SLC12A7: variants seen among roughly 807,000 people sequenced by gnomAD.
The protein encoded by SLC12A7 is solute carrier family 12 member 7.
SLC12A7 carries 100 observed loss-of-function variants against 120.6 expected under a neutral mutation model. The observed-to-expected ratio is 0.83, with a 90% CI of 0.71 to 0.98. The LOEUF (loss-of-function observed/expected upper bound fraction) is 0.98. Among genes scored for constraint, SLC12A7 ranks in the 50% least tolerant of loss-of-function variants. The pLI is 0.00. For synonymous variants in SLC12A7, 760 were observed against 678.0 expected (o/e 1.12, Z -1.88); for missense variants, 1,373 against 1,548.1 (o/e 0.89, Z 1.90).
At chr5:1,061,525 T>C (rs796465810) in intron 20 of SLC12A7, among the ~76,000 whole-genome samples, 4 of 116,474 alleles carry the variant, frequency 3.4e-5, no homozygotes, top group African/African-American at 1.7e-4. Context: ...CCGCCGCACC[T>C]GCCGCATCCG....
At chr5:1,132,147 C>T in the SLC12A7 span, among the ~76,000 whole-genome samples, 1 of 152,178 alleles carries the variant, frequency 6.6e-6, no homozygotes, top group African/African-American at 2.4e-5. Context: ...TGAAAGTGAC[C>T]TCTGGTTGTC....
At chr5:1,086,865 A>C in intron 6 of SLC12A7, 38 bp downstream of exon 6, 1 of 1,604,902 alleles carries the variant, frequency 6.2e-7, no homozygotes, top group Non-Finnish European at 8.5e-7. Flanking sequence ...CCTGCCACAG[A>C]CTGTGGGGTG....
At chr5:1,131,740 T>C in the SLC12A7 span, among the ~76,000 whole-genome samples, 2 of 152,226 alleles carry the variant, frequency 1.3e-5, no homozygotes, top group Non-Finnish European at 2.9e-5. Flanking sequence ...TGGGGTGGGT[T>C]CCCAGATCCT....
At chr5:1,148,198 T>A in the SLC12A7 span, among the ~76,000 whole-genome samples, 1 of 133,128 alleles carries the variant, frequency 7.5e-6, no homozygotes, top group African/African-American at 3.1e-5. Context: ...TACTTTTTTC[T>A]TTCTTTCTTT....
Position 1,064,032 on chromosome 5 carries a change from G to A in SLC12A7, c.2607+51C>T, listed in dbSNP as rs113356251. ...TCAGAGGAGCCCGTCCCGGCCCGCA[G>A]CACGTGGGGTGGCCGTGCTCCGGCT... On this transcript the variant is annotated intron_variant, in intron 19 of 23. Coordinates refer to ENST00000264930, the MANE Select transcript of SLC12A7 (RefSeq NM_006598.3). 7 of 1,602,204 alleles carry A rather than the reference G, an allele frequency of 4.4e-6. No homozygotes were observed. The African/African-American group carries it at 9.4e-5, about 21-fold the overall frequency.
chr5:1,105,034 G>A (rs1338182996), intron 1 of SLC12A7, among the ~76,000 whole-genome samples: 1 of 148,924 alleles, frequency 6.7e-6, no homozygotes, highest in African/African-American at 2.5e-5. Flanking sequence ...CCGAAGGAAT[G>A]AGGTCCTGCA....
chr5:1,097,223 T>C (rs1741354164), intron 1 of SLC12A7, among the ~76,000 whole-genome samples: 2 of 152,150 alleles, frequency 1.3e-5, no homozygotes, highest in Non-Finnish European at 2.9e-5. Context: ...CTACGAACTG[T>C]ACAAGTAGGA....
chr5:1,053,498 G>A lies in SLC12A7; in HGVS notation c.3027-16C>T. 2 of 1,611,500 alleles carry A rather than the reference G, an allele frequency of 1.2e-6. No individual in the cohort carries two copies. Among genetic ancestry groups the A allele is most frequent in the Non-Finnish European group, 1.7e-6 (2 of 1,178,988 alleles). On this transcript the variant is annotated splice_polypyrimidine_tract_variant and intron_variant, in intron 22 of 23. Coordinates refer to ENST00000264930, the MANE Select transcript of SLC12A7 (RefSeq NM_006598.3). ...GGACTGGTCCCTGCAGGGGAGGTGG[G>A]CACGGTCAGCGGGCGGCGGGTGCAC... is the stretch of plus-strand genomic sequence containing the variant.
intron 1 of SLC12A7, among the ~76,000 whole-genome samples, chr5:1,107,923 A>C (rs1742653961): frequency 6.6e-6 from 1 of 152,186 alleles, no homozygotes; most frequent in Non-Finnish European, 1.5e-5. Flanking sequence ...TGATGGGCCT[A>C]GACCAGGGGG....
intron 7 of SLC12A7, among the ~76,000 whole-genome samples, 178 bp downstream of exon 7, chr5:1,085,054 A>G (rs1388417198): frequency 6.6e-6 from 1 of 151,966 alleles, no homozygotes; most frequent in Non-Finnish European, 1.5e-5. Context: ...GGCCCACCTC[A>G]CCGTTGGGTT....
At chr5:1,144,528 G>A in the SLC12A7 span, among the ~76,000 whole-genome samples, 7 of 152,348 alleles carry the variant, frequency 4.6e-5, no homozygotes, top group South Asian at 2.1e-4. Context: ...CCTCAGCTCC[G>A]GGTCACGCTG....
In SLC12A7 at chr5:1,057,681, G is replaced by A. The variant is rs748709897; in HGVS notation, c.2848-32C>T. ...GGCCCGGGACTTGGTGAGACCAGCC[G>A]GTCTCAAAACTCCTCTGGGCGAGAG... On this transcript the variant is annotated intron_variant, in intron 21 of 23. Transcript: ENST00000264930. The A allele has an allele frequency of 1.7e-5, 26 of 1,573,570 alleles. No individual in the cohort carries two copies. The Admixed American group carries it at 3.2e-4, about 20-fold the overall frequency.
Position 1,051,232 on chromosome 5 carries a change from G to A in SLC12A7, c.*1128C>T, listed in dbSNP as rs180778390. On this transcript the variant is annotated 3_prime_UTR_variant, in exon 24 of 24. Transcript: ENST00000264930. ...CATGCAAGGCACAGGCCATGGCAGG[G>A]GACGCCCGGGACTCAGCCAGACAGA... The A allele has an allele frequency of 3.4e-4, 99 of 292,658 alleles. 1 individual carries two copies. The highest frequency in any genetic ancestry group is 2.0e-3 in the African/African-American group (94 of 46,336). 18.1% of individuals were successfully genotyped at this position (292,658 alleles called of 1,614,324 possible).
chr5:1,115,873 A>G (rs1743300012), upstream of SLC12A7, among the ~76,000 whole-genome samples: 1 of 151,922 alleles, frequency 6.6e-6, no homozygotes, highest in South Asian at 2.1e-4. Context: ...AAGAGGTGGG[A>G]AGGGAGGAGA....
At chr5:1,103,316 G>A (rs1742190217) in intron 1 of SLC12A7, among the ~76,000 whole-genome samples, 1 of 152,182 alleles carries the variant, frequency 6.6e-6, no homozygotes, top group Admixed American at 6.5e-5. Flanking sequence ...AACCAGGAGA[G>A]CGCCGGGAGA....
intron 1 of SLC12A7, among the ~76,000 whole-genome samples, chr5:1,111,454 G>A (rs1268245445): frequency 1.3e-5 from 2 of 152,124 alleles, no homozygotes; most frequent in Admixed American, 6.5e-5. Flanking sequence ...GGACGGCCGC[G>A]GCGCAGGGGA....
intron 1 of SLC12A7, among the ~76,000 whole-genome samples, chr5:1,095,021 G>GGCCGGTAGGAGGCGGGGGGGT (rs771836050): frequency 1.6e-5 from 2 of 123,822 alleles, no homozygotes; most frequent in East Asian, 4.7e-4. Flanking sequence ...GGAGGTGGGG[G>GGCCGGTAGGAGGCGGGGGGGT]CGGTAGGAGG....
intron 11 of SLC12A7, 82 bp downstream of exon 11, chr5:1,078,619 T>C (rs1738633511): frequency 1.7e-6 from 2 of 1,151,450 alleles, no homozygotes; most frequent in East Asian, 2.4e-5. Context: ...CCTAGGGCGA[T>C]GTAATTTCAA....
intron 21 of SLC12A7, among the ~76,000 whole-genome samples, chr5:1,059,744 G>C (rs371768718): frequency 7.7e-6 from 1 of 129,678 alleles, no homozygotes; most frequent in East Asian, 2.8e-4. Context: ...CACGGAGGCT[G>C]CACAGGTCTG....
Sources: gnomAD v4.1 joint callset for allele counts (sites outside exome capture counted in the v4.1 genomes callset) on GRCh38, gnomAD v4.1.1 for gene constraint, MANE v1.5 for transcripts, NCBI Gene and HGNC (gene_info 2026-07-23, HGNC 2026-07-21) for gene names.